NPEPPS: variants seen among roughly 807,000 people sequenced by gnomAD.
NPEPPS encodes puromycin-sensitive aminopeptidase.
Under a neutral mutation model 115.5 loss-of-function variants are expected in NPEPPS, and 14 were observed. That is an observed-to-expected ratio of 0.12 (90% CI 0.08 to 0.19). The LOEUF (loss-of-function observed/expected upper bound fraction) is 0.19. Ranked by LOEUF, NPEPPS falls within the 10% of genes least tolerant of loss-of-function variation. The pLI is 1.00. For synonymous variants in NPEPPS, 285 were observed against 390.6 expected (o/e 0.73, Z 3.19); for missense variants, 523 against 1,110.8 (o/e 0.47, Z 7.52).
chr17:47,616,053 GC>G (rs1914180153), intron 19 of NPEPPS, among the ~76,000 whole-genome samples: 2 of 152,144 alleles, frequency 1.3e-5, no homozygotes. Flanking sequence ...GGAGGAAAAC[GC>G]TTCCTGAAAG....
At chr17:47,570,677 GATGA>G (rs1273569006) in intron 3 of NPEPPS, among the ~76,000 whole-genome samples, 1 of 152,204 alleles carries the variant, frequency 6.6e-6, no homozygotes, top group Admixed American at 6.5e-5. Context: ...CTAAGACTTT[GATGA>G]ATGAACAAAT....
At chr17:47,535,794 T>C (rs1908195708) in intron 1 of NPEPPS, among the ~76,000 whole-genome samples, 2 of 149,962 alleles carry the variant, frequency 1.3e-5, no homozygotes, top group East Asian at 4.0e-4. Flanking sequence ...CTATTTATGA[T>C]TATGAGTGTG....
rs563585228 is a variant in NPEPPS, at chr17:47,618,054, T to C, written c.2296-296T>C. ...ACGCCCGGCTAATTTTTTTTTTTTGTATTTTTAGTAGAAACAGGGTTTCAC... is the reference window on the plus strand; with the variant it reads ...ACGCCCGGCTAATTTTTTTTTTTTGCATTTTTAGTAGAAACAGGGTTTCAC... On this transcript the variant is annotated intron_variant, in intron 19 of 22. Transcript: ENST00000322157. 7.7e-4 allele frequency among the ~76,000 whole-genome samples: 116 copies of C among 150,860 alleles called. 1 individual carries two copies. The South Asian group carries it at 0.023, about 30-fold the overall frequency.
At chr17:47,535,093 A>G (rs1031550037) in intron 1 of NPEPPS, among the ~76,000 whole-genome samples, 10 of 148,406 alleles carry the variant, frequency 6.7e-5, no homozygotes, top group Non-Finnish European at 1.2e-4. Context: ...AATACAAAAA[A>G]TTAGCTGGGC....
At chr17:47,617,566 T>C (rs1914289080) in intron 19 of NPEPPS, among the ~76,000 whole-genome samples, 2 of 150,214 alleles carry the variant, frequency 1.3e-5, no homozygotes, top group African/African-American at 4.8e-5. Context: ...TAAGAACATG[T>C]TTATGATATA....
At chr17:47,555,619 T>C (rs1290077175) in intron 2 of NPEPPS, among the ~76,000 whole-genome samples, 2 of 151,762 alleles carry the variant, frequency 1.3e-5, no homozygotes, top group Non-Finnish European at 2.9e-5. Flanking sequence ...AGTGCTGGGA[T>C]TACAGGCACA....
intron 18 of NPEPPS, 95 bp from the exon 19 acceptor site, chr17:47,613,574 A>C: frequency 9.3e-7 from 1 of 1,078,942 alleles, no homozygotes; most frequent in East Asian, 2.4e-5. Context: ...GCCAACATTT[A>C]CAATATTGTT....
chr17:47,544,093 A>C (rs1464158250), intron 1 of NPEPPS, among the ~76,000 whole-genome samples: 1 of 151,886 alleles, frequency 6.6e-6, no homozygotes, highest in Non-Finnish European at 1.5e-5. Context: ...ACGGGGTTTC[A>C]CCGTGTTAGC....
At chr17:47,600,175 T>C (rs892769232) in intron 14 of NPEPPS, among the ~76,000 whole-genome samples, 6 of 152,168 alleles carry the variant, frequency 3.9e-5, no homozygotes, top group African/African-American at 1.4e-4. Flanking sequence ...GGTTCACGCC[T>C]GTAGTCTCAG....
chr17:47,596,533 G>A, intron 13 of NPEPPS, 71 bp downstream of exon 13: 1 of 993,254 alleles, frequency 1.0e-6, no homozygotes, highest in Non-Finnish European at 1.5e-6. Flanking sequence ...TATCAAGTTT[G>A]CTTTTCTGTA....
At chr17:47,594,412 C>CTTTTTT (rs112592322) in intron 12 of NPEPPS, among the ~76,000 whole-genome samples, 1 of 127,984 alleles carries the variant, frequency 7.8e-6, no homozygotes, top group Non-Finnish European at 1.7e-5. Context: ...CTTTTCAATT[C>CTTTTTT]TTTTTTTTTT....
At chr17:47,593,743 T>TAGA (rs1458247535) in intron 12 of NPEPPS, among the ~76,000 whole-genome samples, 12 of 152,222 alleles carry the variant, frequency 7.9e-5, no homozygotes, top group African/African-American at 2.4e-4. Flanking sequence ...CTGTTGCTGC[T>TAGA]AGGCTACAAA....
intron 2 of NPEPPS, among the ~76,000 whole-genome samples, chr17:47,553,985 C>T (rs1240414092): frequency 2.6e-5 from 4 of 150,948 alleles, no homozygotes; most frequent in African/African-American, 9.7e-5. Context: ...CTTCTGACCT[C>T]GTGATCTGCC....
At chr17:47,580,076 C>T (rs1399851170) in intron 4 of NPEPPS, 8 of 151,984 alleles carry the variant, frequency 5.3e-5, no homozygotes, top group South Asian at 2.1e-4. Context: ...ATCTGCTAGT[C>T]GTATTTTTAA....
At position 47,537,957 on chromosome 17, in the gene NPEPPS, A is replaced by G. The variant is rs572464390; in HGVS notation, c.255+6402A>G. On this transcript the variant is annotated intron_variant, in intron 1 of 22. Transcript: ENST00000322157. Reference sequence around the variant, plus strand: ...TGCCCAGGCTGGAGTGCAGTGGCACAATCTCGGCTCACTGCAACCTCCGCC... The same window carrying G: ...TGCCCAGGCTGGAGTGCAGTGGCACGATCTCGGCTCACTGCAACCTCCGCC... Among the ~76,000 whole-genome samples, 3 of 148,888 alleles carry G rather than the reference A, an allele frequency of 2.0e-5. No individual in the cohort carries two copies. The Admixed American group carries it at 2.0e-4, about 10-fold the overall frequency.
chr17:47,559,722 G>GA (rs1368403079), intron 2 of NPEPPS: 1 of 450,080 alleles, frequency 2.2e-6, no homozygotes, highest in Non-Finnish European at 4.4e-6. Flanking sequence ...AAGCCCAAAG[G>GA]AGGGGGTCAT....
intron 5 of NPEPPS, among the ~76,000 whole-genome samples, chr17:47,583,768 A>G (rs1304286675): frequency 3.3e-5 from 5 of 151,912 alleles, no homozygotes; most frequent in African/African-American, 1.2e-4. Context: ...TTTAAAACTT[A>G]AAAGTTAGCC....
At chr17:47,531,959 C>T (rs1029810543) in intron 1 of NPEPPS, among the ~76,000 whole-genome samples, 1 of 152,180 alleles carries the variant, frequency 6.6e-6, no homozygotes, top group South Asian at 2.1e-4. Context: ...GGAGTCCCCG[C>T]TCTGCCTCAA....
At chr17:47,529,735 CATTATATATATATA>C (rs1179856980), upstream of NPEPPS, among the ~76,000 whole-genome samples, 18 of 19,000 alleles carry the variant, frequency 9.5e-4, 1 homozygote, top group South Asian at 5.8e-3. Context: ...ATTTCAGTTA[CATTATATATATATA>C]TATATATATA....
Sources: gnomAD v4.1 joint callset for allele counts (sites outside exome capture counted in the v4.1 genomes callset) on GRCh38, gnomAD v4.1.1 for gene constraint, MANE v1.5 for transcripts, NCBI Gene and HGNC (gene_info 2026-07-23, HGNC 2026-07-21) for gene names.